Variants in CACNB4 observed in about 807,000 individuals in gnomAD.
CACNB4 encodes calcium voltage-gated channel auxiliary subunit beta 4, also known as voltage-dependent L-type calcium channel subunit beta-4.
A neutral mutation model predicts 71.2 loss-of-function variants in CACNB4; 32 were observed. That is an observed-to-expected ratio of 0.45 (90% CI 0.34 to 0.60). The LOEUF is 0.60. Among genes scored for constraint, CACNB4 ranks in the 20% least tolerant of loss-of-function variants. The pLI is 0.01. For missense variants in CACNB4, 464 were observed against 647.9 expected (o/e 0.72, Z 3.08); for synonymous variants, 231 against 236.9 (o/e 0.97, Z 0.23).
intron 2 of CACNB4, among the ~76,000 whole-genome samples, chr2:152,074,160 A>C (rs968315027): frequency 1.3e-5 from 2 of 151,996 alleles, no homozygotes; most frequent in African/African-American, 4.8e-5. Context: ...TGAGCAACAG[A>C]GGTGAGGAAC....
At chr2:152,046,237 G>A (rs116304885) in intron 2 of CACNB4, among the ~76,000 whole-genome samples, 1,822 of 152,220 alleles carry the variant, frequency 0.012, 17 homozygotes, top group African/African-American at 0.014. Flanking sequence ...CCCAGAACAC[G>A]TAGCACCCCT....
chr2:152,008,524 T>C (rs548754971), intron 2 of CACNB4, among the ~76,000 whole-genome samples: 10 of 152,146 alleles, frequency 6.6e-5, no homozygotes, highest in African/African-American at 2.4e-4. Context: ...GGTCTCGAAC[T>C]CCTGGCCTCA....
chr2:151,981,751 A>G (rs2099874763), intron 2 of CACNB4, among the ~76,000 whole-genome samples: 1 of 152,176 alleles, frequency 6.6e-6, no homozygotes, highest in Non-Finnish European at 1.5e-5. Flanking sequence ...TTAAAGTTTA[A>G]TAACTACATT....
intron 2 of CACNB4, among the ~76,000 whole-genome samples, chr2:152,054,850 T>C (rs988482978): frequency 1.3e-5 from 2 of 152,200 alleles, no homozygotes; most frequent in Non-Finnish European, 2.9e-5. Context: ...TTTTATGTGA[T>C]TATTGGCCAC....
At chr2:151,923,005 G>A (rs2099859347) in intron 2 of CACNB4, among the ~76,000 whole-genome samples, 1 of 152,220 alleles carries the variant, frequency 6.6e-6, no homozygotes, top group Non-Finnish European at 1.5e-5. Context: ...TCCCTGCCCA[G>A]TTGTGCAATA....
At chr2:151,901,996 T>C (rs560111344) in intron 2 of CACNB4, among the ~76,000 whole-genome samples, 1 of 151,514 alleles carries the variant, frequency 6.6e-6, no homozygotes, top group South Asian at 2.1e-4. Context: ...CAGCTGAAGT[T>C]GGCAACGTTC....
intron 2 of CACNB4, among the ~76,000 whole-genome samples, chr2:152,077,597 G>A (rs1293364569): frequency 2.6e-5 from 4 of 152,018 alleles, no homozygotes; most frequent in African/African-American, 7.3e-5. Flanking sequence ...ACACGTGGTG[G>A]TGCACACCTG....
chr2:151,971,521 A>G (rs1019590327), intron 2 of CACNB4: 1 of 702,732 alleles, frequency 1.4e-6, no homozygotes, highest in African/African-American at 1.7e-5. Context: ...CTCTGCTTCC[A>G]TCTGGACAAC....
intron 2 of CACNB4, among the ~76,000 whole-genome samples, chr2:151,989,481 C>T (rs1043845079): frequency 1.6e-4 from 24 of 152,176 alleles, no homozygotes; most frequent in African/African-American, 1.7e-4. Context: ...ACCTTTCTCC[C>T]GTTGGAAACT....
rs544061157 is a variant in CACNB4, at chr2:151,959,448, A to G, written c.148-76078T>C. The stretch of plus-strand genomic sequence containing the variant: ...CTCAAGACATCTTACAAAACTAGTC[A>G]CTAAGTTAGACTCAAATATTCCACA... On this transcript the variant is annotated intron_variant, in intron 2 of 13. Coordinates refer to ENST00000539935, the MANE Select transcript of CACNB4 (RefSeq NM_000726.5). 5.1e-4 allele frequency among the ~76,000 whole-genome samples: 78 copies of G among 152,352 alleles called. 1 individual carries two copies. The highest frequency in any genetic ancestry group is 1.7e-3 in the African/African-American group (69 of 41,592).
At chr2:152,056,157 T>C (rs930586021) in intron 2 of CACNB4, among the ~76,000 whole-genome samples, 2 of 152,078 alleles carry the variant, frequency 1.3e-5, no homozygotes, top group Non-Finnish European at 2.9e-5. Flanking sequence ...AGTCAGGAGA[T>C]CAAGACCATC....
In CACNB4 at chr2:152,048,092, A is replaced by G. The variant is rs566428460; in HGVS notation, c.147+50238T>C. ...GAGAGGACTCAAGTTCAGTTGGGTA[A>G]CACTGCTGACATCGTGGACCAGATG... On this transcript the variant is annotated intron_variant, in intron 2 of 13. Coordinates refer to ENST00000539935, the MANE Select transcript of CACNB4 (RefSeq NM_000726.5). Among the ~76,000 whole-genome samples the G allele has an allele frequency of 6.6e-5, 10 of 152,270 alleles. No individual in the cohort carries two copies. In the South Asian group the frequency reaches 2.1e-3, roughly 32 times the overall value.
chr2:151,880,513 C>T (rs550978094), intron 4 of CACNB4: 1 of 406,366 alleles, frequency 2.5e-6, no homozygotes, highest in East Asian at 5.7e-5. Flanking sequence ...TCTGCAGTCA[C>T]AGAAGGGGAT....
intron 2 of CACNB4, among the ~76,000 whole-genome samples, chr2:151,956,143 C>G (rs1241391320): frequency 6.6e-6 from 1 of 152,166 alleles, no homozygotes; most frequent in Admixed American, 6.5e-5. Flanking sequence ...CACCTTGTAT[C>G]TTCGATATAC....
intron 2 of CACNB4, among the ~76,000 whole-genome samples, chr2:151,898,027 AGTAAG>A (rs1480219044): frequency 1.3e-5 from 2 of 152,224 alleles, no homozygotes; most frequent in Non-Finnish European, 2.9e-5. Flanking sequence ...TAAATGCTCT[AGTAAG>A]AACTTTGGGA....
At chr2:151,998,938 CA>C (rs1682232806) in intron 2 of CACNB4, among the ~76,000 whole-genome samples, 1 of 152,188 alleles carries the variant, frequency 6.6e-6, no homozygotes, top group South Asian at 2.1e-4. Flanking sequence ...TGGTGAGCTT[CA>C]CCCTCACGAA....
intron 2 of CACNB4, among the ~76,000 whole-genome samples, chr2:152,027,406 G>C (rs536433381): frequency 1.3e-5 from 2 of 152,214 alleles, no homozygotes; most frequent in African/African-American, 4.8e-5. Flanking sequence ...ACTGTAATTA[G>C]ATAGATTTTA....
intron 2 of CACNB4, among the ~76,000 whole-genome samples, chr2:151,887,917 C>T (rs1479969987): frequency 6.6e-6 from 1 of 151,718 alleles, no homozygotes; most frequent in Non-Finnish European, 1.5e-5. Context: ...TTTTTGGCTG[C>T]CCTAGAGTTT....
intron 2 of CACNB4, among the ~76,000 whole-genome samples, chr2:152,080,330 T>C (rs1404460208): frequency 6.6e-6 from 1 of 151,878 alleles, no homozygotes; most frequent in East Asian, 1.9e-4. Flanking sequence ...ACTATGTTAG[T>C]CAGGATGGTC....
Sources: allele counts gnomAD v4.1 joint callset (sites outside exome capture counted in the v4.1 genomes callset), GRCh38; gene constraint gnomAD v4.1.1; transcripts MANE v1.5; gene names NCBI Gene and HGNC (gene_info 2026-07-23, HGNC 2026-07-21).